Variants in PHF14 observed in about 807,000 individuals in gnomAD.
PHF14 encodes PHD finger protein 14.
PHF14 carries 55 observed loss-of-function variants against 117.9 expected under a neutral mutation model. The ratio of observed to expected loss-of-function variants is 0.47; its 90% CI spans 0.38 to 0.58. The LOEUF (loss-of-function observed/expected upper bound fraction) is 0.58, where lower values mean the gene tolerates loss of function less well. Among genes scored for constraint, PHF14 ranks in the 20% least tolerant of loss-of-function variants. PHF14 has a pLI of 0.00. For missense variants in PHF14, 978 were observed against 1,122.2 expected (o/e 0.87, Z 1.84); for synonymous variants, 409 against 368.6 (o/e 1.11, Z -1.26).
At chr7:11,061,897 T>C in intron 15 of PHF14, 56 bp downstream of exon 15, 1 of 1,518,720 alleles carries the variant, frequency 6.6e-7, no homozygotes, top group South Asian at 1.3e-5. Context: ...TTTTCTTGCT[T>C]AAAATTGTTT....
intron 16 of PHF14, chr7:11,106,569 T>C: frequency 1.0e-6 from 1 of 983,810 alleles, no homozygotes; most frequent in Non-Finnish European, 1.2e-6. Context: ...TAAAGTGATT[T>C]AACTCATTGA....
intron 2 of PHF14, among the ~76,000 whole-genome samples, chr7:10,978,906 T>TG (rs1467836264): frequency 6.6e-6 from 1 of 152,278 alleles, no homozygotes; most frequent in East Asian, 1.9e-4. Flanking sequence ...TTGTGTTGAC[T>TG]GATTGGCTGT....
intron 17 of PHF14, among the ~76,000 whole-genome samples, chr7:11,113,835 T>C (rs1445635299): frequency 1.3e-5 from 2 of 152,180 alleles, no homozygotes; most frequent in Admixed American, 6.6e-5. Flanking sequence ...TGTCATGCTT[T>C]ATAATTCAGT....
intron 3 of PHF14, among the ~76,000 whole-genome samples, 154 bp from the exon 4 acceptor site, chr7:10,990,549 T>C (rs1782413903): frequency 6.6e-6 from 1 of 152,018 alleles, no homozygotes; most frequent in Non-Finnish European, 1.5e-5. Flanking sequence ...ATTTCTCAAA[T>C]ATAATGTACT....
At chr7:11,050,879 G>A (rs74597858) in intron 13 of PHF14, among the ~76,000 whole-genome samples, 1 of 152,002 alleles carries the variant, frequency 6.6e-6, no homozygotes, top group Admixed American at 6.6e-5. Flanking sequence ...GAGTCTGTTT[G>A]TATAGTTTCT....
chr7:11,058,030 G>A (rs1583420929), intron 14 of PHF14, among the ~76,000 whole-genome samples: 1 of 152,128 alleles, frequency 6.6e-6, no homozygotes, highest in Non-Finnish European at 1.5e-5. Flanking sequence ...TCCAGGTAAC[G>A]TATCTGTGTT....
At chr7:11,145,233 A>G (rs1788511788) in intron 17 of PHF14, among the ~76,000 whole-genome samples, 1 of 151,994 alleles carries the variant, frequency 6.6e-6, no homozygotes, top group Non-Finnish European at 1.5e-5. Flanking sequence ...AATGTGGTAG[A>G]AGTTTTTCCT....
At chr7:11,066,956 A>T (rs1785442455) in intron 16 of PHF14, among the ~76,000 whole-genome samples, 1 of 152,222 alleles carries the variant, frequency 6.6e-6, no homozygotes, top group African/African-American at 2.4e-5. Context: ...GCAACAAAAA[A>T]TTAGCTAAGT....
chr7:11,083,462 C>CAA (rs1786236860), intron 16 of PHF14, among the ~76,000 whole-genome samples: 1 of 110,650 alleles, frequency 9.0e-6, no homozygotes, highest in East Asian at 3.2e-4. Context: ...TCTGCTTTCC[C>CAA]TATTTTTTTT....
chr7:11,020,177 C>T (rs774696838), intron 5 of PHF14, among the ~76,000 whole-genome samples: 4 of 152,086 alleles, frequency 2.6e-5, no homozygotes, highest in Non-Finnish European at 4.4e-5. Context: ...TAACCTCTGC[C>T]TCCTGGGCTC....
intron 16 of PHF14, among the ~76,000 whole-genome samples, chr7:11,083,678 G>T (rs553403136): frequency 6.6e-6 from 1 of 151,900 alleles, no homozygotes; most frequent in African/African-American, 2.4e-5. Context: ...GGCCAGGCTG[G>T]TCTCAAACTC....
chr7:11,164,736 G>T (rs937369060), intron 17 of PHF14, among the ~76,000 whole-genome samples: 2 of 152,078 alleles, frequency 1.3e-5, no homozygotes, highest in Admixed American at 1.3e-4. Flanking sequence ...TGTAACCATA[G>T]TACAATTATT....
chr7:11,107,597 T>A, intron 16 of PHF14: 1 of 788,356 alleles, frequency 1.3e-6, no homozygotes, highest in Non-Finnish European at 1.5e-6. Flanking sequence ...TATTAAAAAA[T>A]CTTAGTGTTT....
chr7:11,139,653 G>A (rs142765552), intron 17 of PHF14, among the ~76,000 whole-genome samples: 166 of 152,190 alleles, frequency 1.1e-3, no homozygotes, highest in African/African-American at 3.9e-3. Context: ...AAGTACTGGA[G>A]GTTTAAAAGG....
rs372882423 is a variant in PHF14, at chr7:11,028,803, G to A, written c.1440G>A (p.Glu480=). The part of the protein sequence containing the change: ...TCAQKEGLLS[E]AAAEEDIADP... Reference sequence around the variant, plus strand: ...CTCAAAAGGAAGGTCTGCTTTCAGAGGCAGCGGCGGAAGAGGTAGGTTTAT... The same window carrying A: ...CTCAAAAGGAAGGTCTGCTTTCAGAAGCAGCGGCGGAAGAGGTAGGTTTAT... The change falls in exon 7 of 18, where the codon GAG becomes GAA. Residue 480 remains glutamate, a synonymous_variant. Coordinates refer to ENST00000634607, the MANE Select transcript of PHF14 (RefSeq NM_001007157.2). The A allele has an allele frequency of 9.3e-5, 150 of 1,613,554 alleles. No individual in the cohort carries two copies. The highest frequency in any genetic ancestry group is 1.1e-4 in the Non-Finnish European group (133 of 1,179,688).
chr7:11,029,644 A>G (rs567330417), intron 7 of PHF14, among the ~76,000 whole-genome samples: 3 of 152,140 alleles, frequency 2.0e-5, no homozygotes, highest in Admixed American at 6.5e-5. Context: ...ATATTGCAAA[A>G]AATTTTCAGT....
At chr7:11,114,720 C>T (rs1237066670) in intron 17 of PHF14, among the ~76,000 whole-genome samples, 1 of 151,946 alleles carries the variant, frequency 6.6e-6, no homozygotes. Context: ...CAAACATATC[C>T]ACACGTATTT....
At chr7:11,156,733 G>C (rs915573283) in intron 17 of PHF14, among the ~76,000 whole-genome samples, 1 of 152,156 alleles carries the variant, frequency 6.6e-6, no homozygotes, top group African/African-American at 2.4e-5. Context: ...GGCAGAGGTT[G>C]CAGTGAGCAG....
chr7:11,164,808 C>G (rs1293086348), intron 17 of PHF14, among the ~76,000 whole-genome samples: 1 of 152,142 alleles, frequency 6.6e-6, no homozygotes, highest in Non-Finnish European at 1.5e-5. Context: ...TAAATTTTAC[C>G]AGTTTTCTCA....
Sources: allele counts gnomAD v4.1 joint callset (sites outside exome capture counted in the v4.1 genomes callset), GRCh38; gene constraint gnomAD v4.1.1; transcripts MANE v1.5; gene names NCBI Gene and HGNC (gene_info 2026-07-23, HGNC 2026-07-21).